The following ZER1 variants were observed in gnomAD, a reference collection of about 807,000 sequenced individuals.
The protein encoded by ZER1 is zyg-11 related cell cycle regulator.
In ZER1, 11 loss-of-function variants were observed where a neutral mutation model predicts 78.8. That is an observed-to-expected ratio of 0.14 (90% confidence interval 0.09 to 0.23). The LOEUF (loss-of-function observed/expected upper bound fraction) is 0.23, where lower values mean the gene tolerates loss of function less well. Among genes scored for constraint, ZER1 ranks in the 10% least tolerant of loss-of-function variants. ZER1 has a pLI of 1.00. For synonymous variants in ZER1, 400 were observed against 407.0 expected (o/e 0.98, Z 0.21); for missense variants, 588 against 996.9 (o/e 0.59, Z 5.52).
At position 128,753,547 on chromosome 9, in the gene ZER1, C is replaced by T. The variant is rs939378442; in HGVS notation, c.363G>A (p.Leu121=). The T allele has an allele frequency of 2.5e-6, 4 of 1,614,052 alleles. No individual in the cohort carries two copies. In the Admixed American group the frequency reaches 5.0e-5, roughly 20 times the overall value. ...TGTGGCTGAAGCTCCTCAGTGTCTG[C>T]AGGCTCTTGGCGGACAGCTTCTCGC... ...TNCEKLSAKS[L]QTLRSFSHTL... The change falls in exon 4 of 16, where the codon CTG becomes CTA. Residue 121 remains leucine (L), a synonymous_variant. Coordinates refer to ENST00000291900, the MANE Select transcript of ZER1 (RefSeq NM_006336.4). The surrounding 1 kb of genome is among the most constrained non-coding windows in gnomAD (Gnocchi z 7.5).
intron 1 of ZER1, among the ~76,000 whole-genome samples, chr9:128,759,337 ATTTTTTTT>A (rs35419870): frequency 8.6e-4 from 114 of 133,076 alleles, no homozygotes; most frequent in Non-Finnish European, 1.2e-3. Context: ...CACCCAGCTA[ATTTTTTTT>A]TTTTTTTTTT....
At chr9:128,767,305 G>A (rs1247501339) in intron 1 of ZER1, among the ~76,000 whole-genome samples, 1 of 151,986 alleles carries the variant, frequency 6.6e-6, no homozygotes, top group Non-Finnish European at 1.5e-5. Context: ...GGAGTGCAGT[G>A]GTACGATCTC....
At chr9:128,737,480 C>T (rs1157607815) in intron 13 of ZER1, among the ~76,000 whole-genome samples, 1 of 152,200 alleles carries the variant, frequency 6.6e-6, no homozygotes, top group Non-Finnish European at 1.5e-5. Flanking sequence ...ACTGAAATGT[C>T]CATCTGTACA....
At chr9:128,760,017 C>T (rs1352301142) in intron 1 of ZER1, among the ~76,000 whole-genome samples, 2 of 151,030 alleles carry the variant, frequency 1.3e-5, no homozygotes, top group Non-Finnish European at 3.0e-5. Context: ...GTAGCTGGGA[C>T]CACAGGCATG....
At chr9:128,749,199 G>A (rs906128173) in intron 8 of ZER1, among the ~76,000 whole-genome samples, 1 of 151,500 alleles carries the variant, frequency 6.6e-6, no homozygotes, top group Admixed American at 6.6e-5. Flanking sequence ...ATGGTGGCAC[G>A]TGCCTGTAGT....
rs34939675 is a variant in ZER1, at chr9:128,761,157, C to CAA, written c.-94-5500_-94-5499dup. 9.7e-3 allele frequency among the ~76,000 whole-genome samples: 603 copies of CAA among 61,938 alleles called. 6 individuals are homozygous for CAA. The highest frequency in any genetic ancestry group is 0.033 in the African/African-American group (547 of 16,370). 40.6% of individuals were successfully genotyped at this position (61,938 alleles called of 152,430 possible). ...TGGGCGACAGAGCCAGACTCTGTCT[C>CAA]AAAAAAAAAAAAAAAGGGAGGGGGG... On this transcript the variant is annotated intron_variant, in intron 1 of 15. Transcript: ENST00000291900.
chr9:128,733,590 G>T, intron 14 of ZER1, 62 bp from the exon 15 acceptor site: 1 of 1,454,260 alleles, frequency 6.9e-7, no homozygotes, highest in East Asian at 2.3e-5. Flanking sequence ...CCGAGGCCCA[G>T]AAACCCACCC....
At chr9:128,769,805 C>T (rs1864327586) in intron 1 of ZER1, among the ~76,000 whole-genome samples, 1 of 152,148 alleles carries the variant, frequency 6.6e-6, no homozygotes, top group African/African-American at 2.4e-5. Flanking sequence ...TTGATTTAAT[C>T]GCAGTTCTCT....
intron 13 of ZER1, 43 bp downstream of exon 13, chr9:128,739,888 C>T: frequency 1.3e-6 from 2 of 1,579,308 alleles, no homozygotes; most frequent in Non-Finnish European, 8.7e-7. Context: ...CAGCACTTAC[C>T]CCATATTCCA....
intron 1 of ZER1, among the ~76,000 whole-genome samples, chr9:128,763,855 C>A (rs937533078): frequency 6.6e-6 from 1 of 152,152 alleles, no homozygotes; most frequent in South Asian, 2.1e-4. Flanking sequence ...GGGCTGGTGG[C>A]GCACGCCTGT....
At chr9:128,739,229 G>A (rs1352485648) in intron 13 of ZER1, among the ~76,000 whole-genome samples, 1 of 151,944 alleles carries the variant, frequency 6.6e-6, no homozygotes, top group Non-Finnish European at 1.5e-5. Context: ...TCAGCTGGAC[G>A]CAGTGGCTCA....
Position 128,740,183 on chromosome 9 carries a change from C to T in ZER1, c.1854-64G>A. On this transcript the variant is annotated intron_variant, in intron 12 of 15. Coordinates refer to ENST00000291900, the MANE Select transcript of ZER1 (RefSeq NM_006336.4). The surrounding 1 kb of genome is among the most constrained non-coding windows in gnomAD (Gnocchi z 4.4). ...CCAGTTTCTCTTCAGATACCAGCGG[C>T]AGGACCCCAACTTAAAACCAGAAGC... 1 of 1,469,028 alleles carries T rather than the reference C, an allele frequency of 6.8e-7. No homozygotes were observed. Among genetic ancestry groups the T allele is most frequent in the East Asian group, 2.5e-5 (1 of 40,182 alleles). 91.0% of individuals were successfully genotyped at this position (1,469,028 alleles called of 1,614,324 possible).
chr9:128,741,251 G>C (rs117266609), intron 11 of ZER1, among the ~76,000 whole-genome samples: 1 of 152,244 alleles, frequency 6.6e-6, no homozygotes, highest in Non-Finnish European at 1.5e-5. Context: ...TCGTAGCGTA[G>C]TGGGCTCTGG....
chr9:128,736,468 A>G (rs996976306), intron 13 of ZER1, among the ~76,000 whole-genome samples: 13 of 147,672 alleles, frequency 8.8e-5, no homozygotes, highest in African/African-American at 3.0e-4. Flanking sequence ...ATCTCGGCTC[A>G]CTGCAACCTC....
chr9:128,731,599 C>T (rs533749797), intron 15 of ZER1, among the ~76,000 whole-genome samples: 1 of 152,322 alleles, frequency 6.6e-6, no homozygotes, highest in African/African-American at 2.4e-5. Flanking sequence ...ATGCCATCAC[C>T]AGCCATCCTC....
rs569385720 is a variant in ZER1, at chr9:128,761,292, C to T, written c.-94-5633G>A. ...ACACAACATGGTGGTTATGACCCCA[C>T]CTTTTTTTTCTTTTTTCAGAGTCTT... is the stretch of plus-strand genomic sequence containing the variant. On this transcript the variant is annotated intron_variant, in intron 1 of 15. Coordinates refer to ENST00000291900, the MANE Select transcript of ZER1 (RefSeq NM_006336.4). Among the ~76,000 whole-genome samples, 99 of 151,994 alleles carry T rather than the reference C, an allele frequency of 6.5e-4. No individual in the cohort carries two copies. In the South Asian group the frequency reaches 0.01, roughly 16 times the overall value.
At position 128,733,546 on chromosome 9, in the gene ZER1, A is replaced by G; in HGVS notation, c.2141-18T>C. ...CTTGTCCGCTGTGGGATAGGAGCAGACAGCAGAGGATCAGGATGGGTCTTC... is the reference window on the plus strand; with the variant it reads ...CTTGTCCGCTGTGGGATAGGAGCAGGCAGCAGAGGATCAGGATGGGTCTTC... On this transcript the variant is annotated intron_variant, in intron 14 of 15. Transcript: ENST00000291900. 1 of 1,608,076 alleles carries G rather than the reference A, an allele frequency of 6.2e-7. No homozygotes were observed. Among genetic ancestry groups the G allele is most frequent in the Admixed American group, 1.7e-5 (1 of 59,688 alleles).
At position 128,755,375 on chromosome 9, in the gene ZER1, C is replaced by A; in HGVS notation, c.158+33G>T. On this transcript the variant is annotated intron_variant, in intron 2 of 15. Coordinates refer to ENST00000291900, the MANE Select transcript of ZER1 (RefSeq NM_006336.4). The surrounding 1 kb of genome is among the most constrained non-coding windows in gnomAD (Gnocchi z 5.6). ...CTCTCTATACACATTCATGGTAAGA[C>A]CCCTGCCCCTCCTCAGCCCTGGGTC... The A allele has an allele frequency of 6.2e-7, 1 of 1,612,444 alleles. No individual in the cohort carries two copies. Among genetic ancestry groups the A allele is most frequent in the Non-Finnish European group, 8.5e-7 (1 of 1,178,664 alleles).
chr9:128,750,889 T>G (rs1006518393), intron 7 of ZER1, 100 bp from the exon 8 acceptor site: 11 of 1,526,676 alleles, frequency 7.2e-6, no homozygotes, highest in African/African-American at 4.1e-5. Flanking sequence ...TTTAGCCTGG[T>G]CTTGCTCTCT....
Sources: allele counts gnomAD v4.1 joint callset (sites outside exome capture counted in the v4.1 genomes callset), GRCh38; gene constraint gnomAD v4.1.1; non-coding constraint Gnocchi (gnomAD v3.1); transcripts MANE v1.5; gene names NCBI Gene and HGNC (gene_info 2026-07-23, HGNC 2026-07-21).